The following CCDC141 variants were observed in gnomAD, a reference collection of about 807,000 sequenced individuals.
CCDC141 encodes coiled-coil domain-containing protein 141.
A neutral mutation model predicts 181.0 loss-of-function variants in CCDC141; 168 were observed. The observed-to-expected ratio is 0.93, with a 90% CI of 0.82 to 1.05. The LOEUF is 1.05. CCDC141 is among the 50% of genes least tolerant of loss of function. The pLI is 0.00. For synonymous variants in CCDC141, 666 were observed against 642.3 expected (o/e 1.04, Z -0.56); for missense variants, 1,902 against 1,788.5 (o/e 1.06, Z -1.14).
chr2:178,920,742 T>C (rs773000122), intron 6 of CCDC141, among the ~76,000 whole-genome samples: 2 of 151,638 alleles, frequency 1.3e-5, no homozygotes, highest in Non-Finnish European at 2.9e-5. Context: ...AATACAATAG[T>C]ATTTTAAATA....
chr2:178,836,897 G>C lies in CCDC141; in HGVS notation c.4322C>G (p.Thr1441Arg), dbSNP rs375077377. The change falls in exon 23 of 24, where the codon ACA becomes AGA. Residue 1441 changes from threonine to arginine, a missense_variant. Thr to Arg is a moderately conservative substitution (Grantham distance 71). Transcript: ENST00000443758. Reference sequence around the variant, plus strand: ...CTTGTCATTATAGGCTACCCACCATGTCAGTGTAGGCTCTGGAAATCCTGT... The same window carrying C: ...CTTGTCATTATAGGCTACCCACCATCTCAGTGTAGGCTCTGGAAATCCTGT... ...EVTGFPEPTL[T>R]WYKKGQKLSA... The C allele has an allele frequency of 6.2e-7, 1 of 1,603,536 alleles. No homozygotes were observed. Among genetic ancestry groups the C allele is most frequent in the Non-Finnish European group, 8.5e-7 (1 of 1,177,274 alleles).
At chr2:178,997,435 CA>C (rs1387902934) in intron 2 of CCDC141, among the ~76,000 whole-genome samples, 1 of 152,132 alleles carries the variant, frequency 6.6e-6, no homozygotes, top group Non-Finnish European at 1.5e-5. Flanking sequence ...AACACAAACA[CA>C]AGTGAGGTAC....
chr2:179,018,480 T>C (rs577123289), intron 2 of CCDC141, among the ~76,000 whole-genome samples: 4 of 152,308 alleles, frequency 2.6e-5, no homozygotes, highest in Admixed American at 1.3e-4. Context: ...TTTTTCAGTC[T>C]CTTTCAAATA....
At chr2:178,880,306 G>A (rs1686536832) in intron 11 of CCDC141, among the ~76,000 whole-genome samples, 1 of 152,152 alleles carries the variant, frequency 6.6e-6, no homozygotes, top group Admixed American at 6.5e-5. Context: ...AAAGTTATTT[G>A]CAATTGCTTT....
intron 9 of CCDC141, among the ~76,000 whole-genome samples, 185 bp downstream of exon 9, chr2:178,888,342 G>C (rs1282062988): frequency 6.6e-6 from 1 of 152,160 alleles, no homozygotes; most frequent in Non-Finnish European, 1.5e-5. Flanking sequence ...GGCCACCTGG[G>C]TCAGGGATGG....
chr2:178,940,291 CT>C (rs1689454641), intron 6 of CCDC141, among the ~76,000 whole-genome samples: 1 of 152,224 alleles, frequency 6.6e-6, no homozygotes, highest in Non-Finnish European at 1.5e-5. Flanking sequence ...CGTAATACAA[CT>C]TTCCAAATTT....
intron 2 of CCDC141, among the ~76,000 whole-genome samples, chr2:178,993,175 T>A (rs749589990): frequency 6.6e-6 from 1 of 152,186 alleles, no homozygotes; most frequent in East Asian, 1.9e-4. Flanking sequence ...CTGTTATTTG[T>A]AAGCCATTGC....
chr2:178,837,201 C>T lies in CCDC141; in HGVS notation c.4018G>A (p.Gly1340Ser). 1 of 1,613,926 alleles carries T rather than the reference C, an allele frequency of 6.2e-7. No homozygotes were observed. Among genetic ancestry groups the T allele is most frequent in the Non-Finnish European group, 8.5e-7 (1 of 1,179,962 alleles). ...TTCTCCCGTGTTTCTAGCAAACCAC[C>T]CTGAGCCTGAGGGTGCTGCTGTAAA... is the stretch of plus-strand genomic sequence containing the variant. Reference protein sequence around the residue: ...RALQQHPQAQGGLLETREKMH... With the variant: ...RALQQHPQAQSGLLETREKMH... Residue 1340 changes from glycine to serine, a missense_variant, in exon 23 of 24, where the codon GGT becomes AGT. Transcript: ENST00000443758.
Position 179,045,560 on chromosome 2 carries a change from A to C in CCDC141, c.225+1724T>G, listed in dbSNP as rs966663403. ...GATGGCTGGGTCAAATGGTATTTCT[A>C]GTTCTAGATCCCTGAGGAGTCGCCA... On this transcript the variant is annotated intron_variant, in intron 2 of 23. Coordinates refer to ENST00000443758, the MANE Select transcript of CCDC141 (RefSeq NM_173648.4). Among the ~76,000 whole-genome samples, 4 of 151,838 alleles carry C rather than the reference A, an allele frequency of 2.6e-5. 1 individual carries two copies. Among genetic ancestry groups the C allele is most frequent in the Admixed American group, 6.6e-5 (1 of 15,222 alleles).
rs909991827 is a variant in CCDC141 at position 178,905,506 on chromosome 2, C to T, written c.1093-5G>A. On this transcript the variant is annotated splice_polypyrimidine_tract_variant and splice_region_variant and intron_variant, in intron 7 of 23. Transcript: ENST00000443758. ...TCTTCCAAGTACATCAAATGCCTGCCAAAGAAAACATACTTTTATTTTCTG... is the reference window on the plus strand; with the variant it reads ...TCTTCCAAGTACATCAAATGCCTGCTAAAGAAAACATACTTTTATTTTCTG... The T allele has an allele frequency of 1.3e-6, 2 of 1,538,662 alleles. No individual in the cohort carries two copies. Among genetic ancestry groups the T allele is most frequent in the African/African-American group, 1.4e-5 (1 of 72,254 alleles).
intron 12 of CCDC141, chr2:178,873,850 TG>T (rs1300982009): frequency 2.0e-5 from 3 of 152,202 alleles, no homozygotes; most frequent in African/African-American, 7.2e-5. Context: ...AATGGTTTTC[TG>T]ATGTCTTGCT....
At chr2:178,932,637 T>C (rs1330321852) in intron 6 of CCDC141, among the ~76,000 whole-genome samples, 1 of 152,210 alleles carries the variant, frequency 6.6e-6, no homozygotes, top group Non-Finnish European at 1.5e-5. Flanking sequence ...GTGCACACAA[T>C]ACACAATTTT....
At chr2:179,022,001 T>C (rs2042702981) in intron 2 of CCDC141, among the ~76,000 whole-genome samples, 1 of 152,222 alleles carries the variant, frequency 6.6e-6, no homozygotes, top group Non-Finnish European at 1.5e-5. Flanking sequence ...TTCTTATAAA[T>C]GCGTCTCCTT....
At chr2:178,967,792 T>C (rs1042846141) in intron 4 of CCDC141, among the ~76,000 whole-genome samples, 1 of 152,128 alleles carries the variant, frequency 6.6e-6, no homozygotes, top group Non-Finnish European at 1.5e-5. Context: ...AGACACATAC[T>C]GGCAAATCGG....
chr2:178,982,950 G>A (rs1691504747), intron 2 of CCDC141, among the ~76,000 whole-genome samples: 1 of 152,220 alleles, frequency 6.6e-6, no homozygotes, highest in Admixed American at 6.5e-5. Context: ...GCTCGAACTG[G>A]ATGGAGCCCA....
Position 178,833,107 on chromosome 2 carries a change from C to A in CCDC141, c.*1066G>T, listed in dbSNP as rs1018406813. ...GGAATTTAAGCTCTAATTCATAAAA[C>A]ATCACTTTCCTCCATGGAACTAGTT... is the stretch of plus-strand genomic sequence containing the variant. On this transcript the variant is annotated 3_prime_UTR_variant, in exon 24 of 24. Transcript: ENST00000443758. The A allele has an allele frequency of 1.3e-5, 2 of 152,094 alleles. No homozygotes were observed. Among genetic ancestry groups the A allele is most frequent in the Admixed American group, 6.5e-5 (1 of 15,270 alleles). 9.4% of individuals were successfully genotyped at this position (152,094 alleles called of 1,614,324 possible).
intron 6 of CCDC141, 96 bp from the exon 7 acceptor site, chr2:178,919,003 A>C: frequency 6.3e-6 from 7 of 1,107,012 alleles, no homozygotes; most frequent in Non-Finnish European, 8.9e-6. Context: ...TCTAACCCCC[A>C]AGGTGATGAT....
intron 19 of CCDC141, among the ~76,000 whole-genome samples, chr2:178,853,851 T>A (rs564701348): frequency 3.3e-5 from 5 of 152,294 alleles, no homozygotes; most frequent in African/African-American, 1.2e-4. Context: ...TAAATAAAAC[T>A]ATAAGAAAGT....
intron 2 of CCDC141, among the ~76,000 whole-genome samples, chr2:179,032,685 C>A (rs1422333440): frequency 2.0e-5 from 3 of 152,062 alleles, no homozygotes; most frequent in Non-Finnish European, 4.4e-5. Context: ...TACATGTATT[C>A]CACCTGGGTT....
Sources: gnomAD v4.1 joint callset for allele counts (sites outside exome capture counted in the v4.1 genomes callset) on GRCh38, gnomAD v4.1.1 for gene constraint, MANE v1.5 for transcripts, NCBI Gene and HGNC (gene_info 2026-07-23, HGNC 2026-07-21) for gene names.